Variants in RERE observed in about 807,000 individuals in gnomAD.
RERE encodes the protein arginine-glutamic acid dipeptide repeats, also known as arginine-glutamic acid dipeptide repeats protein.
In RERE, 40 loss-of-function variants were observed where a neutral mutation model predicts 146.1. The ratio of observed to expected loss-of-function variants is 0.27; its 90% CI spans 0.21 to 0.36. The LOEUF (loss-of-function observed/expected upper bound fraction) is 0.36. Among genes scored for constraint, RERE ranks in the 10% least tolerant of loss-of-function variants. The probability of loss-of-function intolerance (pLI) is 1.00; values close to 1 mark genes in which losing one functional copy is unlikely to be tolerated. For synonymous variants in RERE, 1,003 were observed against 866.0 expected (o/e 1.16, Z -2.78); for missense variants, 1,933 against 2,138.7 (o/e 0.90, Z 1.90).
At chr1:8,677,227 C>T (rs917266181) in intron 1 of RERE, among the ~76,000 whole-genome samples, 4 of 152,002 alleles carry the variant, frequency 2.6e-5, no homozygotes, top group East Asian at 1.9e-4. Context: ...ATCAGGAGTT[C>T]GAGACCAGCC....
chr1:8,685,782 C>T (rs1639073460), intron 1 of RERE, among the ~76,000 whole-genome samples: 1 of 152,150 alleles, frequency 6.6e-6, no homozygotes, highest in Non-Finnish European at 1.5e-5. Flanking sequence ...GTGCATAAAA[C>T]TCAGCTGGCT....
chr1:8,555,395 G>A (rs1206490160), intron 6 of RERE, among the ~76,000 whole-genome samples: 2 of 152,136 alleles, frequency 1.3e-5, no homozygotes, highest in African/African-American at 4.8e-5. Flanking sequence ...AACATCAGCT[G>A]ACCCGAAAAG....
chr1:8,590,359 A>G (rs145050293), intron 4 of RERE, among the ~76,000 whole-genome samples: 32 of 152,278 alleles, frequency 2.1e-4, no homozygotes, highest in African/African-American at 7.2e-4. Flanking sequence ...TCAAATCAAA[A>G]AGAGTCCACA....
intron 1 of RERE, among the ~76,000 whole-genome samples, chr1:8,717,355 G>A (rs780309185): frequency 6.6e-5 from 10 of 152,192 alleles, no homozygotes; most frequent in Admixed American, 3.3e-4. Context: ...CCTTGTCATC[G>A]ATTGAGAATA....
rs72857222 is a variant in RERE at position 8,785,403 on chromosome 1, A to T, written c.-145+31757T>A. On this transcript the variant is annotated intron_variant, in intron 1 of 22. Coordinates refer to ENST00000400908, the MANE Select transcript of RERE (RefSeq NM_001042681.2). ...TTATCCAAGCATACATTCTTCAGAC[A>T]TATCTTTTATATTAAATCAATGACC... 1.9e-3 allele frequency among the ~76,000 whole-genome samples: 294 copies of T among 152,334 alleles called. 1 individual carries two copies. Among genetic ancestry groups the T allele is most frequent in the African/African-American group, 5.2e-3 (217 of 41,584 alleles).
At chr1:8,369,508 T>TAAAAAAAAAAAAAAAAAA (rs1186718390) in intron 12 of RERE, among the ~76,000 whole-genome samples, 22 of 76,896 alleles carry the variant, frequency 2.9e-4, no homozygotes, top group African/African-American at 8.9e-4. Context: ...CGCCTTTTAC[T>TAAAAAAAAAAAAAAAAAA]AAAAAAAAAA....
At chr1:8,379,255 A>G (rs1303328382) in intron 12 of RERE, among the ~76,000 whole-genome samples, 3 of 152,158 alleles carry the variant, frequency 2.0e-5, no homozygotes, top group Non-Finnish European at 4.4e-5. Context: ...AATTCTGGTC[A>G]GTTTCCACAG....
At chr1:8,806,093 C>G (rs1270615166) in intron 1 of RERE, among the ~76,000 whole-genome samples, 3 of 152,034 alleles carry the variant, frequency 2.0e-5, no homozygotes, top group Non-Finnish European at 4.4e-5. Flanking sequence ...CTCAGGCAAT[C>G]CGCCCGTGTT....
At chr1:8,770,217 C>T (rs535558822) in intron 1 of RERE, among the ~76,000 whole-genome samples, 3 of 152,126 alleles carry the variant, frequency 2.0e-5, no homozygotes, top group South Asian at 2.1e-4. Context: ...TCACCTGTAA[C>T]GGAGTAAACA....
At chr1:8,594,076 GACC>G (rs1246079995) in intron 4 of RERE, among the ~76,000 whole-genome samples, 5 of 152,170 alleles carry the variant, frequency 3.3e-5, no homozygotes, top group Non-Finnish European at 7.3e-5. Flanking sequence ...CCATTTTGCA[GACC>G]ACTACAAAAA....
At chr1:8,558,761 A>C (rs929646506) in intron 4 of RERE, among the ~76,000 whole-genome samples, 3 of 151,986 alleles carry the variant, frequency 2.0e-5, no homozygotes, top group Non-Finnish European at 4.4e-5. Context: ...AACAGAACTC[A>C]AATGTGAAGA....
At chr1:8,587,267 T>C (rs1417610416) in intron 4 of RERE, among the ~76,000 whole-genome samples, 1 of 152,122 alleles carries the variant, frequency 6.6e-6, no homozygotes, top group Admixed American at 6.6e-5. Context: ...ATTAGGAAAA[T>C]TACTGAACAT....
chr1:8,582,955 C>T lies in RERE; in HGVS notation c.523-25432G>A, dbSNP rs536173946. On this transcript the variant is annotated intron_variant, in intron 4 of 22. Coordinates refer to ENST00000400908, the MANE Select transcript of RERE (RefSeq NM_001042681.2). Reference sequence around the variant, plus strand: ...AACTTACATGCTTGTACCTCTGACACAGACTAGATCATATCAATGGGGGTT... The same window carrying T: ...AACTTACATGCTTGTACCTCTGACATAGACTAGATCATATCAATGGGGGTT... 3.3e-5 allele frequency among the ~76,000 whole-genome samples: 5 copies of T among 152,290 alleles called. No individual in the cohort carries two copies. In the East Asian group the frequency reaches 9.7e-4, roughly 29 times the overall value.
chr1:8,728,147 A>G (rs1224962188), intron 1 of RERE, among the ~76,000 whole-genome samples: 1 of 152,236 alleles, frequency 6.6e-6, no homozygotes. Flanking sequence ...TGCACTAATG[A>G]GAAGCCATGA....
At chr1:8,457,600 T>C (rs1002860901) in intron 11 of RERE, among the ~76,000 whole-genome samples, 7 of 151,928 alleles carry the variant, frequency 4.6e-5, no homozygotes, top group African/African-American at 9.7e-5. Context: ...TTACTTTATA[T>C]ATTTATTTAT....
intron 1 of RERE, among the ~76,000 whole-genome samples, chr1:8,682,407 T>G (rs1054177518): frequency 1.3e-5 from 2 of 152,222 alleles, no homozygotes; most frequent in Non-Finnish European, 1.5e-5. Context: ...TCTGAGGTAC[T>G]ATGAAAATAT....
chr1:8,400,636 A>G (rs1272709809), intron 12 of RERE, among the ~76,000 whole-genome samples: 1 of 151,914 alleles, frequency 6.6e-6, no homozygotes, highest in East Asian at 1.9e-4. Flanking sequence ...GAAGAGTCTA[A>G]TATTAGTGAT....
intron 1 of RERE, among the ~76,000 whole-genome samples, chr1:8,812,519 T>C (rs537351762): frequency 5.5e-4 from 83 of 152,276 alleles, no homozygotes; most frequent in African/African-American, 1.9e-3. Context: ...TGGTGGCACA[T>C]GTCTGTAATC....
At chr1:8,427,974 A>G (rs1644040358) in intron 11 of RERE, among the ~76,000 whole-genome samples, 3 of 152,222 alleles carry the variant, frequency 2.0e-5, no homozygotes, top group East Asian at 1.9e-4. Flanking sequence ...AACAGGCCCT[A>G]TAAGCCTCTA....
Sources: gnomAD v4.1 joint callset for allele counts (sites outside exome capture counted in the v4.1 genomes callset) on GRCh38, gnomAD v4.1.1 for gene constraint, MANE v1.5 for transcripts, NCBI Gene and HGNC (gene_info 2026-07-23, HGNC 2026-07-21) for gene names.